Variants in SRPRA observed in about 807,000 individuals in gnomAD.
The protein encoded by SRPRA is SRP receptor subunit alpha.
A neutral mutation model predicts 61.1 loss-of-function variants in SRPRA; 30 were observed. The ratio of observed to expected loss-of-function variants is 0.49; its 90% confidence interval spans 0.37 to 0.67. SRPRA has a LOEUF of 0.67. Ranked by LOEUF, SRPRA falls within the 30% of genes least tolerant of loss-of-function variation. The pLI, the probability that SRPRA is intolerant of heterozygous loss-of-function variation, is 0.00. For synonymous variants in SRPRA, 324 were observed against 299.7 expected (o/e 1.08, Z -0.84); for missense variants, 759 against 828.4 (o/e 0.92, Z 1.03).
At chr11:126,249,731 CAAAAA>C in the SRPRA span, among the ~76,000 whole-genome samples, 10 of 79,002 alleles carry the variant, frequency 1.3e-4, no homozygotes, top group East Asian at 7.9e-4. Flanking sequence ...GACTCCGTCT[CAAAAA>C]AAAAAAAAAA....
the SRPRA span, among the ~76,000 whole-genome samples, chr11:126,248,606 G>A: frequency 3.9e-4 from 59 of 152,024 alleles, no homozygotes; most frequent in East Asian, 0.011. Flanking sequence ...TCTTGACCTC[G>A]TGATCCACCC....
chr11:126,266,012 A>G lies in SRPRA; in HGVS notation c.1002T>C (p.Ser334=). The change falls in exon 8 of 14, where the codon AGT becomes AGC. Residue 334 remains serine (S), a synonymous_variant. Transcript: ENST00000332118. ...CCAGCACAGATTCCATGTCTTCACG[A>G]CTCAAGCTCTTTGAACCCACAAGGC... The part of the protein sequence containing the change: ...LKGLVGSKSL[S]REDMESVLDK... 1 of 1,614,118 alleles carries G rather than the reference A, an allele frequency of 6.2e-7. No homozygotes were observed. The highest frequency in any genetic ancestry group is 1.1e-5 in the South Asian group (1 of 91,090).
downstream of SRPRA, among the ~76,000 whole-genome samples, chr11:126,259,213 GT>G (rs1231645875): frequency 6.6e-6 from 1 of 152,108 alleles, no homozygotes; most frequent in Non-Finnish European, 1.5e-5. Context: ...CTAATGAGAG[GT>G]TACAGGTCTT....
the SRPRA span, among the ~76,000 whole-genome samples, chr11:126,236,501 A>AT: frequency 6.6e-6 from 1 of 151,918 alleles, no homozygotes; most frequent in African/African-American, 2.4e-5. Flanking sequence ...GTTGTTGTTC[A>AT]TTAGAAGCTT....
At position 126,265,640 on chromosome 11, in the gene SRPRA, G is replaced by A. The variant is rs1950794013; in HGVS notation, c.1138+97C>T. The A allele has an allele frequency of 7.2e-7, 1 of 1,388,690 alleles. No homozygotes were observed. Among genetic ancestry groups the A allele is most frequent in the Admixed American group, 1.9e-5 (1 of 53,994 alleles). The allele number at this position is 1,388,690 out of a possible 1,614,324, so 86.0% of individuals were successfully genotyped here. ...AAAATCTAGGTTACAGAGGTTTAGA[G>A]GTTAAGGAATTTGCCGAAAGTCACA... On this transcript the variant is annotated intron_variant, in intron 9 of 13. Transcript: ENST00000332118. The surrounding 1 kb of genome is among the most constrained non-coding windows in gnomAD (Gnocchi z 6.3).
chr11:126,268,174 C>A, intron 1 of SRPRA, 88 bp from the exon 2 acceptor site: 2 of 1,140,082 alleles, frequency 1.8e-6, no homozygotes, highest in Non-Finnish European at 2.6e-6. Context: ...GGGAAAGAGC[C>A]AAACATTTCC....
chr11:126,267,454 TCTTTGAACACATCAATTTACCAC>T lies in SRPRA; in HGVS notation c.365+72_365+94del. 1 of 1,590,074 alleles carries T rather than the reference TCTTTGAACACATCAATTTACCAC, an allele frequency of 6.3e-7. No individual in the cohort carries two copies. Among genetic ancestry groups the T allele is most frequent in the Non-Finnish European group, 8.6e-7 (1 of 1,165,792 alleles). On this transcript the variant is annotated intron_variant, in intron 3 of 13. Coordinates refer to ENST00000332118, the MANE Select transcript of SRPRA (RefSeq NM_003139.4). The surrounding 1 kb of genome is among the most constrained non-coding windows in gnomAD (Gnocchi z 4.2). ...AGAACTGGGTAGCAAATTAGGAATG[TCTTTGAACACATCAATTTACCAC>T]CTTTGAACCACCTTCAGAGAGGTCA...
Position 126,267,859 on chromosome 11 carries a change from C to A in SRPRA, c.201+144G>T. On this transcript the variant is annotated intron_variant, in intron 2 of 13. Transcript: ENST00000332118. This position sits in a 1 kb window ranked among gnomAD's most constrained non-coding sequence, Gnocchi z 4.2. ...GAGGCAGCCAAGCTCCCTGCCTGGG[C>A]CCAGTAGCTGCTGTTTTCCCCCATC... 1 of 1,371,956 alleles carries A rather than the reference C, an allele frequency of 7.3e-7. No individual in the cohort carries two copies. Among genetic ancestry groups the A allele is most frequent in the Non-Finnish European group, 1.0e-6 (1 of 985,918 alleles). The allele number at this position is 1,371,956 out of a possible 1,614,324, so 85.0% of individuals were successfully genotyped here. A position where few individuals can be genotyped will look rare whatever the true frequency, so the allele number is the denominator to read the frequency against.
the SRPRA span, among the ~76,000 whole-genome samples, chr11:126,249,491 G>A: frequency 6.6e-6 from 1 of 152,068 alleles, no homozygotes; most frequent in East Asian, 1.9e-4. Flanking sequence ...CCAGCACTTT[G>A]GGAGGCTGAG....
At chr11:126,252,343 A>C in the SRPRA span, among the ~76,000 whole-genome samples, 6 of 152,340 alleles carry the variant, frequency 3.9e-5, no homozygotes, top group South Asian at 1.2e-3. The surrounding 1 kb of genome is among the most constrained non-coding windows in gnomAD (Gnocchi z 4.7). Flanking sequence ...TAGGAATAGT[A>C]ACTTCACTTG....
chr11:126,255,092 C>T, the SRPRA span, among the ~76,000 whole-genome samples: 1 of 152,140 alleles, frequency 6.6e-6, no homozygotes, highest in African/African-American at 2.4e-5. The surrounding 1 kb of genome is among the most constrained non-coding windows in gnomAD (Gnocchi z 4.6). Flanking sequence ...CTTAACAAAC[C>T]AACCACTACT....
At chr11:126,249,789 G>GCTGT in the SRPRA span, among the ~76,000 whole-genome samples, 1 of 151,520 alleles carries the variant, frequency 6.6e-6, no homozygotes, top group Non-Finnish European at 1.5e-5. Flanking sequence ...CACAATTAGG[G>GCTGT]CTGTGTCTCA....
At position 126,267,757 on chromosome 11, in the gene SRPRA, C is replaced by T; in HGVS notation, c.202-45G>A. 1.9e-6 allele frequency: 3 copies of T among 1,607,078 alleles called. No homozygotes were observed. The highest frequency in any genetic ancestry group is 2.2e-5 in the South Asian group (2 of 90,656). ...GCCAACAGATCTGCTTACATACTAGCCTAGAATGGAGGGACGCCAACTCAA... is the reference window on the plus strand; with the variant it reads ...GCCAACAGATCTGCTTACATACTAGTCTAGAATGGAGGGACGCCAACTCAA... On this transcript the variant is annotated intron_variant, in intron 2 of 13. Coordinates refer to ENST00000332118, the MANE Select transcript of SRPRA (RefSeq NM_003139.4). The surrounding 1 kb of genome is among the most constrained non-coding windows in gnomAD (Gnocchi z 4.2).
chr11:126,268,860 G>C lies in SRPRA; in HGVS notation c.-56C>G. ...GCCGGGAATTCAGGCCGCGTTCGCC[G>C]CCGCTTCCTGCTGCGCCAAGCGCGG... On this transcript the variant is annotated 5_prime_UTR_variant, in exon 1 of 14. Transcript: ENST00000332118. 7.1e-7 allele frequency: 1 copy of C among 1,404,850 alleles called. No homozygotes were observed. Among genetic ancestry groups the C allele is most frequent in the Non-Finnish European group, 1.0e-6 (1 of 994,686 alleles). The allele number at this position is 1,404,850 out of a possible 1,614,324, so 87.0% of individuals were successfully genotyped here.
At position 126,267,813 on chromosome 11, in the gene SRPRA, T is replaced by C. The variant is rs762748117; in HGVS notation, c.202-101A>G. 1 of 1,533,416 alleles carries C rather than the reference T, an allele frequency of 6.5e-7. No individual in the cohort carries two copies. The highest frequency in any genetic ancestry group is 8.9e-7 in the Non-Finnish European group (1 of 1,124,526). 95.0% of individuals were successfully genotyped at this position (1,533,416 alleles called of 1,614,324 possible). ...GCTTTCAGAGATAGGTTCAGCTACC[T>C]GGCCGGTTTCCCTGTCCTGAGAGGC... On this transcript the variant is annotated intron_variant, in intron 2 of 13. Transcript: ENST00000332118. This position sits in a 1 kb window ranked among gnomAD's most constrained non-coding sequence, Gnocchi z 4.2.
chr11:126,250,397 T>C, the SRPRA span: 1 of 742,730 alleles, frequency 1.3e-6, no homozygotes, highest in African/African-American at 1.8e-5. The surrounding 1 kb of genome is among the most constrained non-coding windows in gnomAD (Gnocchi z 5.1). Context: ...GGCCTTTATC[T>C]CTGTTTTGAA....
chr11:126,256,148 G>A, the SRPRA span, among the ~76,000 whole-genome samples: 1 of 152,038 alleles, frequency 6.6e-6, no homozygotes, highest in East Asian at 1.9e-4. The surrounding 1 kb of genome is among the most constrained non-coding windows in gnomAD (Gnocchi z 6.6). Flanking sequence ...GTGCACACTT[G>A]TAATATACTC....
At position 126,265,571 on chromosome 11, in the gene SRPRA, G is replaced by A. The variant is rs55926430; in HGVS notation, c.1139-131C>T. On this transcript the variant is annotated intron_variant, in intron 9 of 13. Transcript: ENST00000332118. This position sits in a 1 kb window ranked among gnomAD's most constrained non-coding sequence, Gnocchi z 6.3. Reference sequence around the variant, plus strand: ...CTTGTCCCAGAAATCCAGAACAGACGCACATTACAAGGACTAACTCACTGA... The same window carrying A: ...CTTGTCCCAGAAATCCAGAACAGACACACATTACAAGGACTAACTCACTGA... 1.8e-3 allele frequency: 2,194 copies of A among 1,226,192 alleles called. 23 individuals carry two copies. The African/African-American group carries it at 0.025, about 14-fold the overall frequency. The allele number at this position is 1,226,192 out of a possible 1,614,324, so 76.0% of individuals were successfully genotyped here.
At chr11:126,243,238 A>T in the SRPRA span, among the ~76,000 whole-genome samples, 1 of 152,234 alleles carries the variant, frequency 6.6e-6, no homozygotes, top group Non-Finnish European at 1.5e-5. Context: ...AGTAGGAGGG[A>T]GTACTTCCAA....
Sources: gnomAD v4.1 joint callset for allele counts (sites outside exome capture counted in the v4.1 genomes callset) on GRCh38, gnomAD v4.1.1 for gene constraint, Gnocchi (gnomAD v3.1) non-coding constraint, MANE v1.5 for transcripts, NCBI Gene and HGNC (gene_info 2026-07-23, HGNC 2026-07-21) for gene names.